The following RBFOX1 variants were observed in gnomAD, a reference collection of about 807,000 sequenced individuals.
RBFOX1 encodes RNA binding protein fox-1 homolog 1.
Under a neutral mutation model 57.7 loss-of-function variants are expected in RBFOX1, and 8 were observed. That is an observed-to-expected ratio of 0.14 (90% CI 0.08 to 0.25). The LOEUF (loss-of-function observed/expected upper bound fraction) is 0.25. Ranked by LOEUF, RBFOX1 falls within the 10% of genes least tolerant of loss-of-function variation. The pLI, the probability that RBFOX1 is intolerant of heterozygous loss-of-function variation, is 1.00. For synonymous variants in RBFOX1, 326 were observed against 222.4 expected (o/e 1.47, Z -4.15); for missense variants, 611 against 548.5 (o/e 1.11, Z -1.14).
At chr16:5,911,011 C>T (rs1016758969) in intron 4 of RBFOX1, among the ~76,000 whole-genome samples, 1 of 152,192 alleles carries the variant, frequency 6.6e-6, no homozygotes, top group Non-Finnish European at 1.5e-5. Flanking sequence ...TGCCCCCTTT[C>T]TCACCTCTCT....
At chr16:5,948,057 G>C (rs1247624516) in intron 4 of RBFOX1, among the ~76,000 whole-genome samples, 1 of 152,164 alleles carries the variant, frequency 6.6e-6, no homozygotes. Flanking sequence ...AGGAGAGGCA[G>C]GTGCACAAGG....
At chr16:7,628,638 G>A (rs1367497871) in intron 10 of RBFOX1, among the ~76,000 whole-genome samples, 1 of 152,056 alleles carries the variant, frequency 6.6e-6, no homozygotes, top group African/African-American at 2.4e-5. Flanking sequence ...TTGAGATGGA[G>A]TTTTGCTCTT....
intron 2 of RBFOX1, among the ~76,000 whole-genome samples, chr16:5,481,420 G>T (rs1446423044): frequency 2.6e-5 from 4 of 152,192 alleles, no homozygotes; most frequent in African/African-American, 9.7e-5. Context: ...CATTTGAATT[G>T]TCTAACCCAG....
chr16:7,195,022 G>T (rs9806785), intron 4 of RBFOX1, among the ~76,000 whole-genome samples: 44,324 of 151,104 alleles, frequency 0.29, 6,939 homozygotes, highest in Non-Finnish European at 0.36. Context: ...TTCTTAATTA[G>T]TTGTTTATTG....
At chr16:6,797,844 C>A (rs780734841) in intron 3 of RBFOX1, among the ~76,000 whole-genome samples, 1 of 152,110 alleles carries the variant, frequency 6.6e-6, no homozygotes, top group African/African-American at 2.4e-5. Flanking sequence ...TAGAACCACT[C>A]GACTTGAGTT....
intron 3 of RBFOX1, among the ~76,000 whole-genome samples, chr16:7,019,210 ATAT>A (rs1258255462): frequency 1.3e-5 from 2 of 152,076 alleles, no homozygotes; most frequent in Non-Finnish European, 2.9e-5. Flanking sequence ...AAATTATATA[ATAT>A]TAGGTGGTTT....
chr16:6,711,440 T>C (rs2063698107), intron 3 of RBFOX1, among the ~76,000 whole-genome samples: 2 of 152,210 alleles, frequency 1.3e-5, no homozygotes, highest in South Asian at 4.1e-4. Flanking sequence ...TCATCTTGAA[T>C]GGTAATCCCC....
chr16:5,387,832 A>G (rs1191944433), intron 1 of RBFOX1, among the ~76,000 whole-genome samples: 2 of 152,208 alleles, frequency 1.3e-5, no homozygotes, highest in Admixed American at 6.5e-5. Flanking sequence ...TAGGAAGAGT[A>G]TCTGGGATTG....
intron 3 of RBFOX1, among the ~76,000 whole-genome samples, chr16:6,887,882 G>C (rs551370446): frequency 6.6e-6 from 1 of 152,008 alleles, no homozygotes; most frequent in African/African-American, 2.4e-5. Flanking sequence ...GGCTGGTCTC[G>C]AACTCCAGAC....
At chr16:6,335,655 G>C (rs1308422242) in intron 2 of RBFOX1, among the ~76,000 whole-genome samples, 2 of 151,244 alleles carry the variant, frequency 1.3e-5, no homozygotes, top group African/African-American at 2.4e-5. Flanking sequence ...ACGCGCGCCT[G>C]TAACCCCAGC....
At chr16:5,584,154 A>C (rs1486146564) in intron 2 of RBFOX1, among the ~76,000 whole-genome samples, 1 of 152,212 alleles carries the variant, frequency 6.6e-6, no homozygotes, top group Non-Finnish European at 1.5e-5. Context: ...AGCCCTTGTC[A>C]GACATCCTAA....
At chr16:7,187,463 G>A (rs1366514547) in intron 4 of RBFOX1, among the ~76,000 whole-genome samples, 4 of 151,504 alleles carry the variant, frequency 2.6e-5, no homozygotes, top group African/African-American at 9.7e-5. Flanking sequence ...GCCAAGGCGG[G>A]CTAATCACGA....
intron 4 of RBFOX1, among the ~76,000 whole-genome samples, chr16:5,931,100 A>C (rs1053614018): frequency 9.9e-5 from 15 of 152,164 alleles, no homozygotes; most frequent in Non-Finnish European, 2.2e-4. Context: ...AGATGTTGTC[A>C]TTAGTACCCA....
intron 4 of RBFOX1, among the ~76,000 whole-genome samples, chr16:7,064,586 CA>C (rs1426018603): frequency 1.3e-5 from 2 of 152,120 alleles, no homozygotes; most frequent in African/African-American, 4.8e-5. Flanking sequence ...GAGAAGAAAC[CA>C]ACCCCCCTGA....
At chr16:6,204,018 A>G (rs2097236063) in intron 1 of RBFOX1, among the ~76,000 whole-genome samples, 1 of 149,576 alleles carries the variant, frequency 6.7e-6, no homozygotes, top group African/African-American at 2.5e-5. Flanking sequence ...ACAATCTACC[A>G]TCAGAAATGA....
intron 3 of RBFOX1, among the ~76,000 whole-genome samples, chr16:6,982,014 C>T (rs938704721): frequency 1.3e-5 from 2 of 152,078 alleles, no homozygotes; most frequent in Admixed American, 6.6e-5. Context: ...TTTCTTTGAA[C>T]CCTCGTGTTT....
chr16:7,237,401 A>G (rs1246145681), intron 4 of RBFOX1, among the ~76,000 whole-genome samples: 2 of 152,200 alleles, frequency 1.3e-5, no homozygotes, highest in East Asian at 3.9e-4. Flanking sequence ...AATAATTTGA[A>G]CTGATCCTTC....
At chr16:5,531,865 G>A (rs1420083417) in intron 2 of RBFOX1, among the ~76,000 whole-genome samples, 1 of 149,494 alleles carries the variant, frequency 6.7e-6, no homozygotes, top group Non-Finnish European at 1.5e-5. Flanking sequence ...GCAGTGGTGC[G>A]ATTACAGCTC....
At chr16:5,496,322 C>G (rs900780014) in intron 2 of RBFOX1, among the ~76,000 whole-genome samples, 1 of 152,164 alleles carries the variant, frequency 6.6e-6, no homozygotes. Flanking sequence ...TGGCTGGGGT[C>G]AAGGTCCCAC....
Sources: allele counts gnomAD v4.1 joint callset (sites outside exome capture counted in the v4.1 genomes callset), GRCh38; gene constraint gnomAD v4.1.1; transcripts MANE v1.5; gene names NCBI Gene and HGNC (gene_info 2026-07-23, HGNC 2026-07-21).